The following TET3 variants were observed in gnomAD, a reference collection of about 807,000 sequenced individuals.
The protein encoded by TET3 is methylcytosine dioxygenase TET3.
In TET3, 19 loss-of-function variants were observed where a neutral mutation model predicts 141.4. That is an observed-to-expected ratio of 0.13 (90% CI 0.09 to 0.20). TET3 has a LOEUF of 0.20. TET3 is among the 10% of genes least tolerant of loss of function. The pLI is 1.00. For missense variants in TET3, 1,874 were observed against 2,356.9 expected, an observed-to-expected ratio of 0.80 and a Z score of 4.24; for synonymous variants, 1,043 against 980.9, an observed-to-expected ratio of 1.06 and a Z score of -1.18.
Position 74,102,360 on chromosome 2 carries a change from CT to C in TET3, c.*186del. ...AACCTCAGAACTGACCCGCCCCTCC[CT>C]TACCCCCACTTCCCCAGCACTTTGA... On this transcript the variant is annotated 3_prime_UTR_variant, in exon 12 of 12. Transcript: ENST00000409262. 1.1e-6 allele frequency: 1 copy of C among 885,358 alleles called. No homozygotes were observed. The highest frequency in any genetic ancestry group is 1.5e-6 in the Non-Finnish European group (1 of 674,534). The allele number at this position is 885,358 out of a possible 1,614,324, so 54.8% of individuals were successfully genotyped here.
At chr2:74,016,788 C>CTTTTTTTT (rs1157485325) in intron 3 of TET3, among the ~76,000 whole-genome samples, 1 of 122,478 alleles carries the variant, frequency 8.2e-6, no homozygotes, top group African/African-American at 3.0e-5. Context: ...GTTCTCCTGT[C>CTTTTTTTT]TTTTTTTTTT....
Position 74,100,785 on chromosome 2 carries a change from G to A in TET3, c.3997G>A (p.Gly1333Ser), listed in dbSNP as rs758067762. The A allele has an allele frequency of 7.4e-6, 12 of 1,612,814 alleles. No individual in the cohort carries two copies. The highest frequency in any genetic ancestry group is 2.2e-5 in the South Asian group (2 of 90,814). Residue 1333 changes from glycine to serine, a missense_variant, in exon 12 of 12, where the codon GGT becomes AGT. Gly to Ser is a moderately conservative substitution (Grantham distance 56). Transcript: ENST00000409262. ...ALHNSLSPAYGGAEFAELPSQ... is the reference protein window; with the variant it reads ...ALHNSLSPAYSGAEFAELPSQ... ...GCACAACAGCCTGAGCCCGGCCTAC[G>A]GTGGTGCTGAGTTTGCCGAGCTGCC...
At chr2:73,995,151 G>T (rs1684529696) in intron 2 of TET3, among the ~76,000 whole-genome samples, 1 of 152,056 alleles carries the variant, frequency 6.6e-6, no homozygotes, top group African/African-American at 2.4e-5. Flanking sequence ...GTAGAGACGG[G>T]GTTTTACCAT....
At chr2:74,033,124 CAT>C (rs578214933) in intron 3 of TET3, among the ~76,000 whole-genome samples, 177 of 152,336 alleles carry the variant, frequency 1.2e-3, no homozygotes, top group African/African-American at 2.4e-3. Context: ...CGTTCACAGA[CAT>C]GTGTAGTTTG....
At chr2:74,011,227 CAA>C (rs34155044) in intron 3 of TET3, among the ~76,000 whole-genome samples, 8 of 94,382 alleles carry the variant, frequency 8.5e-5, no homozygotes, top group Non-Finnish European at 6.5e-5. Context: ...GACTCCGTTT[CAA>C]AAAAAAAAAA....
At chr2:74,110,398 T>G (rs1691672835), downstream of TET3, among the ~76,000 whole-genome samples, 1 of 152,200 alleles carries the variant, frequency 6.6e-6, no homozygotes, top group South Asian at 2.1e-4. Flanking sequence ...TTCTTAAGCT[T>G]GGAGAGCTGT....
intron 3 of TET3, among the ~76,000 whole-genome samples, chr2:74,019,622 G>A (rs564529995): frequency 3.3e-5 from 5 of 152,186 alleles, no homozygotes; most frequent in Non-Finnish European, 5.9e-5. Context: ...AATAAACGCC[G>A]TGGCATCAGA....
At chr2:74,114,559 T>C in the TET3 span, among the ~76,000 whole-genome samples, 2 of 151,914 alleles carry the variant, frequency 1.3e-5, no homozygotes, top group Admixed American at 1.3e-4. Context: ...CTCTTAAAAG[T>C]TAAAAAAGCA....
chr2:74,123,829 G>A, the TET3 span, among the ~76,000 whole-genome samples: 1 of 151,874 alleles, frequency 6.6e-6, no homozygotes, highest in Non-Finnish European at 1.5e-5. Context: ...TCTCTGCCCG[G>A]CCGCCCATCG....
chr2:74,119,141 T>C, the TET3 span, among the ~76,000 whole-genome samples: 40,934 of 151,984 alleles, frequency 0.27, 6,397 homozygotes, highest in African/African-American at 0.41. Context: ...TCACTTGAGG[T>C]CAGGAGTTTG....
intron 4 of TET3, among the ~76,000 whole-genome samples, chr2:74,070,116 G>A (rs1046964904): frequency 6.6e-6 from 1 of 152,152 alleles, no homozygotes; most frequent in African/African-American, 2.4e-5. Flanking sequence ...TATAGTTTGA[G>A]TCTGTTATTG....
intron 3 of TET3, among the ~76,000 whole-genome samples, chr2:74,019,400 A>G (rs901763000): frequency 3.9e-5 from 6 of 152,228 alleles, no homozygotes; most frequent in African/African-American, 1.4e-4. Context: ...TTTGTATCCC[A>G]TCTTTGCCCG....
In TET3 at chr2:74,090,066, G is replaced by A. The variant is rs1210803516; in HGVS notation, c.3039+19G>A. ...CAAAGAGGTGAGCAGAGCTGGGCGG[G>A]GACCCTGCCTCCCATCCTTTCTCGC... On this transcript the variant is annotated intron_variant, in intron 8 of 11. Transcript: ENST00000409262. 3.7e-6 allele frequency: 6 copies of A among 1,611,532 alleles called. No homozygotes were observed. The Admixed American group carries it at 6.7e-5, about 18-fold the overall frequency.
chr2:74,047,775 C>G lies in TET3; in HGVS notation c.1858C>G (p.Leu620Val), dbSNP rs760000908. 1.4e-5 allele frequency: 22 copies of G among 1,613,712 alleles called. No homozygotes were observed. The highest frequency in any genetic ancestry group is 2.2e-5 in the East Asian group (1 of 44,874). ...KKSRPREAQP[L>V]FPPVRQIVLE... is the part of the protein sequence containing the mutation. Reference sequence around the variant, plus strand: ...GTCCAGGCCCCGGGAAGCACAGCCCCTCTTCCCACCTGTCCGACAGATTGT... The same window carrying G: ...GTCCAGGCCCCGGGAAGCACAGCCCGTCTTCCCACCTGTCCGACAGATTGT... Residue 620 changes from leucine (L) to valine (V), a missense_variant, in exon 4 of 12, where the codon CTC becomes GTC. Leu to Val is a conservative substitution (Grantham distance 32). Transcript: ENST00000409262.
chr2:74,018,061 G>A (rs1014268317), intron 3 of TET3, among the ~76,000 whole-genome samples: 9 of 146,370 alleles, frequency 6.1e-5, no homozygotes, highest in African/African-American at 2.0e-4. Flanking sequence ...TCCTCCTCCC[G>A]GATTCAAGCA....
intron 5 of TET3, among the ~76,000 whole-genome samples, chr2:74,074,193 C>T (rs148839512): frequency 6.6e-6 from 1 of 152,308 alleles, no homozygotes; most frequent in African/African-American, 2.4e-5. Context: ...CTTGATTTCT[C>T]ATATGACAAG....
At chr2:74,131,489 C>T in the TET3 span, among the ~76,000 whole-genome samples, 1 of 152,146 alleles carries the variant, frequency 6.6e-6, no homozygotes, top group African/African-American at 2.4e-5. Flanking sequence ...GGCTTTGCAG[C>T]CTCAGGTCCT....
chr2:74,100,654 T>C lies in TET3; in HGVS notation c.3866T>C (p.Phe1289Ser), dbSNP rs1244043933. The change falls in exon 12 of 12, where the codon TTT becomes TCT. Residue 1289 changes from phenylalanine to serine, a missense_variant. By Grantham distance (155) the Phe-to-Ser change is radical (BLOSUM62 -2). Coordinates refer to ENST00000409262, the MANE Select transcript of TET3 (RefSeq NM_001287491.2). ...CTCCCGTCTTTTAGCTACTATGGCT[T>C]TCCATCCAGCAACCCCGTCTTCCCC... The part of the protein sequence containing the change: ...YALPSFSYYG[F>S]PSSNPVFPSQ... 1.2e-6 allele frequency: 2 copies of C among 1,614,032 alleles called. No homozygotes were observed. Among genetic ancestry groups the C allele is most frequent in the East Asian group, 4.5e-5 (2 of 44,866 alleles).
intron 3 of TET3, among the ~76,000 whole-genome samples, chr2:74,040,367 G>A (rs913033990): frequency 7.2e-5 from 11 of 152,170 alleles, no homozygotes; most frequent in Non-Finnish European, 1.6e-4. Context: ...GGCAGGGATG[G>A]AAAGGGAGGA....
Sources: gnomAD v4.1 joint callset for allele counts (sites outside exome capture counted in the v4.1 genomes callset) on GRCh38, gnomAD v4.1.1 for gene constraint, MANE v1.5 for transcripts, NCBI Gene and HGNC (gene_info 2026-07-23, HGNC 2026-07-21) for gene names.